The following LRPPRC variants were observed in gnomAD, a reference collection of about 807,000 sequenced individuals.
The protein encoded by LRPPRC is leucine rich pentatricopeptide repeat containing.
LRPPRC carries 120 observed loss-of-function variants against 180.3 expected under a neutral mutation model. That is an observed-to-expected ratio of 0.67 (90% CI 0.57 to 0.77). The LOEUF is 0.77. LRPPRC is among the 30% of genes least tolerant of loss of function. LRPPRC has a pLI of 0.00. For missense variants in LRPPRC, 2,012 were observed against 1,657.2 expected (o/e 1.21, Z -3.72); for synonymous variants, 723 against 600.0 (o/e 1.21, Z -3.00).
chr2:43,949,571 T>G, intron 16 of LRPPRC, 31 bp downstream of exon 16: 1 of 1,577,006 alleles, frequency 6.3e-7, no homozygotes, highest in South Asian at 1.1e-5. Flanking sequence ...GATTTGTGGA[T>G]AAGTTACAAT....
rs368696980 is a variant in LRPPRC at position 43,957,433 on chromosome 2, G to A, written c.1601C>T (p.Pro534Leu). The change falls in exon 14 of 38, where the codon CCC (proline) becomes CTC (leucine). Residue 534 changes from proline to leucine, a missense_variant. Physicochemically the swap from Pro to Leu is moderately conservative, Grantham distance 98 (BLOSUM62 -3). Transcript: ENST00000260665. ...ACTTCTTATAGACTGCAGCGAGATG[G>A]GCAATGTATTTGATTTCACTGCAAA... is the stretch of plus-strand genomic sequence containing the variant. ...VLSFLKSNTLPISLQSIRSSL... is the reference protein window; with the variant it reads ...VLSFLKSNTLLISLQSIRSSL... 6.2e-7 allele frequency: 1 copy of A among 1,612,956 alleles called. No individual in the cohort carries two copies. Among genetic ancestry groups the A allele is most frequent in the East Asian group, 2.2e-5 (1 of 44,844 alleles).
chr2:43,918,170 T>G, intron 28 of LRPPRC, 37 bp from the exon 29 acceptor site: 2 of 1,597,636 alleles, frequency 1.3e-6, no homozygotes, highest in Non-Finnish European at 1.7e-6. Context: ...TAAAAACTGG[T>G]AATCTTTTCA....
intron 25 of LRPPRC, 93 bp downstream of exon 25, chr2:43,934,097 G>C: frequency 1.3e-6 from 1 of 744,650 alleles, no homozygotes; most frequent in Non-Finnish European, 2.4e-6. Context: ...ACATGAATCA[G>C]AACAAGTGTA....
At chr2:43,946,003 A>T in intron 21 of LRPPRC, 110 bp downstream of exon 21, 1 of 1,194,092 alleles carries the variant, frequency 8.4e-7, no homozygotes, top group Non-Finnish European at 1.2e-6. Flanking sequence ...CAACAAAAGA[A>T]TTTTTAAAAA....
chr2:43,967,290 CTG>C (rs200197166), intron 11 of LRPPRC, among the ~76,000 whole-genome samples: 4,045 of 152,152 alleles, frequency 0.027, 191 homozygotes, highest in African/African-American at 0.092. Context: ...TGTGGTCCCA[CTG>C]AGGCTGAGGT....
Position 43,977,159 on chromosome 2 carries a change from T to G in LRPPRC, c.587A>C (p.Asn196Thr), listed in dbSNP as rs199727887. ...AKMEEANIQPNRVTYQRLIAS... is the reference protein window; with the variant it reads ...AKMEEANIQPTRVTYQRLIAS... ...TTCACAATAGCAACTACTTACTCGA[T>G]TTGGTTGAATGTTTGCTTCCTCCAT... Residue 196 changes from asparagine (N) to threonine (T), a missense_variant, in exon 4 of 38, where the codon AAT becomes ACT. By Grantham distance (65) the Asn-to-Thr change is moderately conservative. Transcript: ENST00000260665. 2.3e-4 allele frequency: 376 copies of G among 1,612,100 alleles called. No individual in the cohort carries two copies. Among genetic ancestry groups the G allele is most frequent in the Non-Finnish European group, 3.0e-4 (355 of 1,178,282 alleles).
intron 3 of LRPPRC, among the ~76,000 whole-genome samples, chr2:43,978,749 T>C (rs996104423): frequency 1.3e-5 from 2 of 152,130 alleles, no homozygotes; most frequent in African/African-American, 2.4e-5. Flanking sequence ...GTCTTTATCC[T>C]GTAGTTTTTT....
At chr2:43,959,457 C>G (rs1450659326) in intron 13 of LRPPRC, among the ~76,000 whole-genome samples, 1 of 152,078 alleles carries the variant, frequency 6.6e-6, no homozygotes, top group Non-Finnish European at 1.5e-5. Context: ...TTAATGAGAG[C>G]TTAACTGTTA....
At chr2:43,913,331 C>T (rs917558443) in intron 29 of LRPPRC, among the ~76,000 whole-genome samples, 2 of 152,192 alleles carry the variant, frequency 1.3e-5, no homozygotes, top group Non-Finnish European at 2.9e-5. Context: ...CTACTCCCTT[C>T]TGTGGATAAA....
rs62138479 is a variant in LRPPRC at position 43,894,804 on chromosome 2, A to G, written c.3901-175T>C. On this transcript the variant is annotated intron_variant, in intron 35 of 37. Transcript: ENST00000260665. The stretch of plus-strand genomic sequence containing the variant: ...GCATTTGATATTGACTCAATAATCT[A>G]CAGCTAAAAGAAACCAGCATTTTTC... Among the ~76,000 whole-genome samples the G allele has an allele frequency of 0.088, 13,414 of 152,258 alleles. 676 individuals are homozygous for G. The highest frequency in any genetic ancestry group is 0.15 in the South Asian group (703 of 4,820).
intron 11 of LRPPRC, among the ~76,000 whole-genome samples, chr2:43,969,866 G>C (rs1464559004): frequency 1.3e-5 from 2 of 152,070 alleles, no homozygotes; most frequent in East Asian, 3.9e-4. Context: ...TGTAGAGACA[G>C]GATTTTGCCA....
intron 29 of LRPPRC, among the ~76,000 whole-genome samples, chr2:43,915,288 GA>G (rs1671426318): frequency 7.2e-6 from 1 of 139,768 alleles, no homozygotes; most frequent in African/African-American, 2.7e-5. Flanking sequence ...AAGTTCATCA[GA>G]ACATTTACAT....
At position 43,918,290 on chromosome 2, in the gene LRPPRC, T is replaced by A; in HGVS notation, c.3005A>T (p.Glu1002Val). The change falls in exon 28 of 38, where the codon GAG (glutamate) becomes GTG (valine). Residue 1002 changes from glutamate to valine, a missense_variant. Glu to Val is a moderately radical substitution (Grantham distance 121). Transcript: ENST00000260665. ...TLRLLAEILR[E>V]GNQEVPFDVP... ...GTCAAACGGAACTTCCTGGTTACCC[T>A]CTCTAAGGATTTCTGCTAATAATCT... The A allele has an allele frequency of 6.2e-7, 1 of 1,612,806 alleles. No homozygotes were observed. The highest frequency in any genetic ancestry group is 8.5e-7 in the Non-Finnish European group (1 of 1,178,842).
intron 36 of LRPPRC, among the ~76,000 whole-genome samples, chr2:43,894,010 T>G (rs781112658): frequency 5.3e-5 from 8 of 152,172 alleles, no homozygotes; most frequent in Non-Finnish European, 1.0e-4. Context: ...CTTTCATATG[T>G]GATTGTCTGG....
intron 23 of LRPPRC, among the ~76,000 whole-genome samples, chr2:43,941,650 G>C (rs1227748254): frequency 6.6e-6 from 1 of 152,026 alleles, no homozygotes; most frequent in East Asian, 1.9e-4. Flanking sequence ...GAGTTTCAAA[G>C]TCAGGGTTTT....
At chr2:43,968,741 G>T (rs1446355091) in intron 11 of LRPPRC, among the ~76,000 whole-genome samples, 1 of 152,208 alleles carries the variant, frequency 6.6e-6, no homozygotes, top group Non-Finnish European at 1.5e-5. Flanking sequence ...GGAGATATTG[G>T]TCAAAGGGCA....
chr2:43,896,218 CTTTCTTTTT>C (rs1303322787), intron 35 of LRPPRC: 1 of 59,568 alleles, frequency 1.7e-5, no homozygotes, highest in Non-Finnish European at 3.0e-5. Context: ...TTCTTTCTTT[CTTTCTTTTT>C]TTTTTTTTTT....
chr2:43,911,580 G>A (rs977714371), intron 30 of LRPPRC, among the ~76,000 whole-genome samples: 8 of 133,780 alleles, frequency 6.0e-5, no homozygotes, highest in African/African-American at 2.3e-4. Context: ...AGGCTGGAGT[G>A]CAGTTGCGCA....
At chr2:43,912,617 T>A in intron 29 of LRPPRC, 59 bp from the exon 30 acceptor site, 1 of 1,499,834 alleles carries the variant, frequency 6.7e-7, no homozygotes. Context: ...GCCAAAAGGA[T>A]GGAAAAAATC....
Sources: gnomAD v4.1 joint callset for allele counts (sites outside exome capture counted in the v4.1 genomes callset) on GRCh38, gnomAD v4.1.1 for gene constraint, MANE v1.5 for transcripts, NCBI Gene and HGNC (gene_info 2026-07-23, HGNC 2026-07-21) for gene names.